Variants in NKAIN3 observed in about 807,000 individuals in gnomAD.
NKAIN3 encodes sodium/potassium-transporting ATPase subunit beta-1-interacting protein 3.
Under a neutral mutation model 30.2 loss-of-function variants are expected in NKAIN3, and 25 were observed. The observed-to-expected ratio is 0.83, with a 90% confidence interval of 0.60 to 1.16. The LOEUF is 1.16. NKAIN3 is among the 50% of genes most tolerant of loss of function. The pLI is 0.00. For synonymous variants in NKAIN3, 91 were observed against 89.6 expected (o/e 1.02, Z -0.09); for missense variants, 225 against 254.1 (o/e 0.89, Z 0.78).
At chr8:62,266,476 A>AATCT (rs1812603742) in intron 1 of NKAIN3, among the ~76,000 whole-genome samples, 1 of 152,244 alleles carries the variant, frequency 6.6e-6, no homozygotes, top group Admixed American at 6.5e-5. Flanking sequence ...TATTTTAAAT[A>AATCT]GATATTATCA....
chr8:62,273,337 C>G (rs1812832591), intron 1 of NKAIN3, among the ~76,000 whole-genome samples: 1 of 152,076 alleles, frequency 6.6e-6, no homozygotes, highest in African/African-American at 2.4e-5. Flanking sequence ...TTTGTATCAC[C>G]TAACACATGA....
At chr8:62,676,288 G>T (rs140176107) in intron 3 of NKAIN3, among the ~76,000 whole-genome samples, 1 of 152,222 alleles carries the variant, frequency 6.6e-6, no homozygotes, top group African/African-American at 2.4e-5. Context: ...TATACTATCG[G>T]CCAGGTGCAG....
rs1820572286 is a variant in NKAIN3 at position 62,870,256 on chromosome 8, A to ATAGATATAGATATCTATAGATATC, written c.472-48195_472-48194insGATATAGATATCTATAGATATCTA. Among the ~76,000 whole-genome samples, 79 of 45,520 alleles carry ATAGATATAGATATCTATAGATATC rather than the reference A, an allele frequency of 1.7e-3. 3 individuals carry two copies. The highest frequency in any genetic ancestry group is 2.7e-3 in the Non-Finnish European group (61 of 22,322). 29.9% of individuals were successfully genotyped at this position (45,520 alleles called of 152,430 possible). A position where few individuals can be genotyped will look rare whatever the true frequency, so the allele number is the denominator to read the frequency against. On this transcript the variant is annotated intron_variant, in intron 4 of 6. Transcript: ENST00000623646. ...TATAGATATCTATAGATATCTATATATATATCTATATATAGATATATATAA... is the reference window on the plus strand; with the variant it reads ...TATAGATATCTATAGATATCTATATATAGATATAGATATCTATAGATATCTATATCTATATATAGATATATATAA...
At chr8:62,900,831 C>T (rs561443582) in intron 4 of NKAIN3, among the ~76,000 whole-genome samples, 47 of 152,264 alleles carry the variant, frequency 3.1e-4, no homozygotes, top group African/African-American at 1.0e-3. Context: ...ACTGAGATCT[C>T]TCTGACCACA....
chr8:62,534,646 AC>A (rs1337016326), intron 1 of NKAIN3, among the ~76,000 whole-genome samples: 9 of 152,054 alleles, frequency 5.9e-5, no homozygotes, highest in Non-Finnish European at 8.8e-5. Flanking sequence ...ACTGGGCCCC[AC>A]CCCCAGACTT....
intron 1 of NKAIN3, among the ~76,000 whole-genome samples, chr8:62,275,225 G>A (rs911431320): frequency 1.3e-5 from 2 of 152,046 alleles, no homozygotes; most frequent in Non-Finnish European, 2.9e-5. Flanking sequence ...GTGTAAAAGT[G>A]TTCCTATTTC....
chr8:62,673,588 C>T (rs1477422086), intron 3 of NKAIN3, among the ~76,000 whole-genome samples: 1 of 152,138 alleles, frequency 6.6e-6, no homozygotes, highest in Non-Finnish European at 1.5e-5. Context: ...AGGGATACAT[C>T]CTAAGAAATG....
rs539260325 is a variant in NKAIN3 at position 62,475,759 on chromosome 8, A to C, written c.55-103780A>C. On this transcript the variant is annotated intron_variant, in intron 1 of 6. Transcript: ENST00000623646. ...TATGATGGGCTCCCAGGTGTGATGCAGCCTAGGGGCCCTTGGAAACTCATG... is the reference window on the plus strand; with the variant it reads ...TATGATGGGCTCCCAGGTGTGATGCCGCCTAGGGGCCCTTGGAAACTCATG... Among the ~76,000 whole-genome samples the C allele has an allele frequency of 3.5e-4, 54 of 152,326 alleles. No homozygotes were observed. In the South Asian group the frequency reaches 6.2e-3, roughly 18 times the overall value.
At chr8:62,465,265 C>T (rs909156373) in intron 1 of NKAIN3, among the ~76,000 whole-genome samples, 11 of 152,076 alleles carry the variant, frequency 7.2e-5, no homozygotes, top group African/African-American at 2.7e-4. Flanking sequence ...TGTATAATTA[C>T]TAGAATTTAA....
intron 4 of NKAIN3, among the ~76,000 whole-genome samples, chr8:62,899,145 G>T (rs1279533320): frequency 6.6e-6 from 1 of 152,182 alleles, no homozygotes; most frequent in African/African-American, 2.4e-5. Flanking sequence ...ATGTAAATTA[G>T]TACAGCAACT....
chr8:62,541,133 A>C (rs1318487241), intron 1 of NKAIN3, among the ~76,000 whole-genome samples: 1 of 151,916 alleles, frequency 6.6e-6, no homozygotes, highest in Non-Finnish European at 1.5e-5. Context: ...AACATGGTGA[A>C]ACCCGGTCTC....
At chr8:62,664,290 T>A (rs1025432170) in intron 3 of NKAIN3, among the ~76,000 whole-genome samples, 1 of 152,022 alleles carries the variant, frequency 6.6e-6, no homozygotes, top group Non-Finnish European at 1.5e-5. Context: ...CCCAATCTGC[T>A]CCAGTTTGAG....
At chr8:62,822,999 T>G (rs950071889) in intron 4 of NKAIN3, among the ~76,000 whole-genome samples, 4 of 152,084 alleles carry the variant, frequency 2.6e-5, no homozygotes, top group African/African-American at 9.7e-5. Context: ...ACAGTAAAAA[T>G]GTAGGTGGTA....
chr8:62,677,685 C>G (rs997086139), intron 3 of NKAIN3, among the ~76,000 whole-genome samples: 5 of 152,166 alleles, frequency 3.3e-5, no homozygotes, highest in African/African-American at 1.2e-4. Flanking sequence ...GCGGCAGGCT[C>G]CATGGCTGCA....
intron 1 of NKAIN3, among the ~76,000 whole-genome samples, chr8:62,313,166 A>G (rs552401214): frequency 1.3e-5 from 2 of 152,258 alleles, no homozygotes; most frequent in South Asian, 2.1e-4. Context: ...CTCTGTCTCT[A>G]TTAAAAACTA....
At chr8:62,362,630 G>A (rs1188765749) in intron 1 of NKAIN3, among the ~76,000 whole-genome samples, 2 of 152,160 alleles carry the variant, frequency 1.3e-5, no homozygotes, top group African/African-American at 4.8e-5. Flanking sequence ...GATACCACAA[G>A]GATAAAGGAA....
intron 4 of NKAIN3, among the ~76,000 whole-genome samples, chr8:62,886,094 G>C (rs1821137698): frequency 6.6e-6 from 1 of 150,418 alleles, no homozygotes; most frequent in African/African-American, 2.4e-5. Flanking sequence ...TTCCTTTTGT[G>C]GTTTTAATTG....
chr8:62,809,080 G>A (rs747579540), intron 4 of NKAIN3, among the ~76,000 whole-genome samples: 4 of 152,174 alleles, frequency 2.6e-5, no homozygotes, highest in South Asian at 4.1e-4. Context: ...TCTCCTATTC[G>A]CTTTTGTAAG....
At chr8:62,534,434 C>A (rs547313465) in intron 1 of NKAIN3, among the ~76,000 whole-genome samples, 75 of 152,250 alleles carry the variant, frequency 4.9e-4, no homozygotes, top group African/African-American at 1.6e-3. Context: ...TCATACCCAC[C>A]AGCACGTCAT....
Sources: allele counts gnomAD v4.1 joint callset (sites outside exome capture counted in the v4.1 genomes callset), GRCh38; gene constraint gnomAD v4.1.1; transcripts MANE v1.5; gene names NCBI Gene and HGNC (gene_info 2026-07-23, HGNC 2026-07-21).